Variants in PLCL2 observed in about 807,000 individuals in gnomAD.
The protein encoded by PLCL2 is inactive phospholipase C-like protein 2.
Under a neutral mutation model 79.6 loss-of-function variants are expected in PLCL2, and 4 were observed. The ratio of observed to expected loss-of-function variants is 0.05; its 90% CI spans 0.02 to 0.11. The LOEUF (loss-of-function observed/expected upper bound fraction) is 0.11. Ranked by LOEUF, PLCL2 falls within the 10% of genes least tolerant of loss-of-function variation. PLCL2 has a pLI of 1.00. For missense variants in PLCL2, 895 were observed against 1,291.0 expected (o/e 0.69, Z 4.70); for synonymous variants, 484 against 457.7 (o/e 1.06, Z -0.73).
chr3:16,897,899 A>C (rs1015061179), intron 1 of PLCL2, among the ~76,000 whole-genome samples: 1 of 152,240 alleles, frequency 6.6e-6, no homozygotes, highest in Non-Finnish European at 1.5e-5. Context: ...ACTTGTTTGT[A>C]ACCTTAGTTA....
chr3:16,922,932 ATACT>A (rs1310546461), intron 1 of PLCL2, among the ~76,000 whole-genome samples: 1 of 152,148 alleles, frequency 6.6e-6, no homozygotes, highest in African/African-American at 2.4e-5. Flanking sequence ...TTCCCTATCA[ATACT>A]TACTGTAAAG....
intron 3 of PLCL2, among the ~76,000 whole-genome samples, chr3:17,036,845 T>A (rs1303473371): frequency 1.3e-5 from 2 of 152,210 alleles, no homozygotes; most frequent in African/African-American, 4.8e-5. Context: ...CAGTATCTGG[T>A]GAAGGTCTTC....
intron 1 of PLCL2, among the ~76,000 whole-genome samples, chr3:16,978,642 G>A (rs1301130367): frequency 6.6e-6 from 1 of 152,198 alleles, no homozygotes; most frequent in Admixed American, 6.5e-5. Flanking sequence ...GTTGTCCACA[G>A]TGTTCTTGAG....
At chr3:16,944,266 C>T (rs1325613891) in intron 1 of PLCL2, among the ~76,000 whole-genome samples, 1 of 152,182 alleles carries the variant, frequency 6.6e-6, no homozygotes, top group African/African-American at 2.4e-5. Flanking sequence ...ACAGGTTAGT[C>T]AATCTTTTTA....
At position 17,004,817 on chromosome 3, in the gene PLCL2, T is replaced by G. The variant is rs1052030199; in HGVS notation, c.328-4857T>G. ...TTTGTATTGTTGTGTAAAAGAGAAA[T>G]TTTTCTAACCCCCAGTTTCTCAACT... On this transcript the variant is annotated intron_variant, in intron 1 of 5. Coordinates refer to ENST00000615277, the MANE Select transcript of PLCL2 (RefSeq NM_001144382.2). Among the ~76,000 whole-genome samples the G allele has an allele frequency of 7.9e-5, 12 of 152,238 alleles. No homozygotes were observed. In the East Asian group the frequency reaches 2.3e-3, roughly 29 times the overall value.
At chr3:17,074,330 C>T (rs1368751327) in intron 5 of PLCL2, among the ~76,000 whole-genome samples, 1 of 152,098 alleles carries the variant, frequency 6.6e-6, no homozygotes, top group African/African-American at 2.4e-5. Flanking sequence ...GCAGTAGGTC[C>T]CAGCTGTGGG....
At chr3:16,971,361 T>A (rs1456669136) in intron 1 of PLCL2, among the ~76,000 whole-genome samples, 2 of 152,190 alleles carry the variant, frequency 1.3e-5, no homozygotes, top group Non-Finnish European at 2.9e-5. Context: ...TTGTCAAAGA[T>A]CAGATATTTG....
rs1467491919 is a variant in PLCL2 at position 17,010,596 on chromosome 3, T to G, written c.1250T>G (p.Phe417Cys). The G allele has an allele frequency of 6.2e-7, 1 of 1,614,180 alleles. No homozygotes were observed. The highest frequency in any genetic ancestry group is 1.7e-5 in the Admixed American group (1 of 60,024). ...CTTATGTCACCTGACTGTTATATAT[T>G]CGATCCAGAACATAAGAAGGTCTGT... is the stretch of plus-strand genomic sequence containing the variant. ...NYLMSPDCYI[F>C]DPEHKKVCQD... The change falls in exon 2 of 6, where the codon TTC becomes TGC. Residue 417 changes from phenylalanine (F) to cysteine (C), a missense_variant. This residue lies in a region of PLCL2 where 242 missense variants were observed against 399.5 expected (regional missense o/e 0.61). Coordinates refer to ENST00000615277, the MANE Select transcript of PLCL2 (RefSeq NM_001144382.2). The surrounding 1 kb of genome is among the most constrained non-coding windows in gnomAD (Gnocchi z 5.8).
intron 3 of PLCL2, among the ~76,000 whole-genome samples, chr3:17,042,461 C>A (rs2064734846): frequency 6.6e-6 from 1 of 152,118 alleles, no homozygotes; most frequent in Non-Finnish European, 1.5e-5. Flanking sequence ...GACATTTTGG[C>A]TGAAATGAGT....
At chr3:17,012,296 C>T in intron 2 of PLCL2, 136 bp downstream of exon 2, 1 of 737,758 alleles carries the variant, frequency 1.4e-6, no homozygotes, top group Non-Finnish European at 2.1e-6. Context: ...AGAATGTTTG[C>T]CACTAGTCTG....
intron 5 of PLCL2, among the ~76,000 whole-genome samples, chr3:17,075,019 T>C (rs890666967): frequency 1.3e-5 from 2 of 152,234 alleles, no homozygotes; most frequent in African/African-American, 2.4e-5. Context: ...CACAAACTTT[T>C]CCTTTGCATT....
chr3:17,060,174 G>A (rs1481614604), intron 4 of PLCL2, among the ~76,000 whole-genome samples: 2 of 152,052 alleles, frequency 1.3e-5, no homozygotes, highest in African/African-American at 4.8e-5. Context: ...TCCACAAAGG[G>A]CTGAAAGTTA....
intron 1 of PLCL2, among the ~76,000 whole-genome samples, chr3:16,981,069 G>C (rs2063990476): frequency 6.6e-6 from 1 of 152,234 alleles, no homozygotes; most frequent in Non-Finnish European, 1.5e-5. Flanking sequence ...AGGTTGCAGT[G>C]AGCCGAGATG....
At chr3:16,982,078 G>A (rs936944954) in intron 1 of PLCL2, among the ~76,000 whole-genome samples, 5 of 152,180 alleles carry the variant, frequency 3.3e-5, no homozygotes, top group African/African-American at 1.2e-4. Context: ...GTGCAAAGGA[G>A]GAATATCTGA....
intron 1 of PLCL2, among the ~76,000 whole-genome samples, chr3:17,000,645 TAA>T (rs2064199596): frequency 6.6e-6 from 1 of 152,078 alleles, no homozygotes; most frequent in African/African-American, 2.4e-5. Context: ...TCCATGAGTT[TAA>T]GTTTTTTAGC....
chr3:17,004,280 C>T (rs2064238906), intron 1 of PLCL2, among the ~76,000 whole-genome samples: 1 of 152,092 alleles, frequency 6.6e-6, no homozygotes, highest in Non-Finnish European at 1.5e-5. Flanking sequence ...ACTTTACTTG[C>T]CCCCACTTCA....
At chr3:17,038,310 C>G (rs1348002973) in intron 3 of PLCL2, among the ~76,000 whole-genome samples, 1 of 152,126 alleles carries the variant, frequency 6.6e-6, no homozygotes. Context: ...TATAAGCATC[C>G]ATGTGGCGAG....
At chr3:16,911,022 G>A (rs1467627983) in intron 1 of PLCL2, among the ~76,000 whole-genome samples, 2 of 152,164 alleles carry the variant, frequency 1.3e-5, no homozygotes, top group African/African-American at 4.8e-5. Flanking sequence ...GGAGGCGAAG[G>A]TGGGTGGATC....
chr3:16,898,101 C>G (rs1038667593), intron 1 of PLCL2, among the ~76,000 whole-genome samples: 1 of 152,084 alleles, frequency 6.6e-6, no homozygotes, highest in African/African-American at 2.4e-5. Context: ...AGGGGAAGGC[C>G]AAGTCCTTGG....
Sources: gnomAD v4.1 joint callset for allele counts (sites outside exome capture counted in the v4.1 genomes callset) on GRCh38, gnomAD v4.1.1 for gene constraint, gnomAD v4.1.1 regional missense constraint, Gnocchi (gnomAD v3.1) non-coding constraint, MANE v1.5 for transcripts, NCBI Gene and HGNC (gene_info 2026-07-23, HGNC 2026-07-21) for gene names.